The following CRADD variants were observed in gnomAD, a reference collection of about 807,000 sequenced individuals.
CRADD encodes the protein death domain-containing protein CRADD.
CRADD carries 9 observed loss-of-function variants against 15.5 expected under a neutral mutation model. That is an observed-to-expected ratio of 0.58 (90% CI 0.35 to 1.01). The LOEUF (loss-of-function observed/expected upper bound fraction) is 1.01. Among genes scored for constraint, CRADD ranks in the 50% least tolerant of loss-of-function variants. CRADD has a pLI of 0.02. For missense variants in CRADD, 227 were observed against 250.3 expected, an observed-to-expected ratio of 0.91 and a Z score of 0.63; for synonymous variants, 118 against 107.6, an observed-to-expected ratio of 1.10 and a Z score of -0.60.
chr12:93,890,277 A>G (rs1958567268), intron 2 of CRADD, among the ~76,000 whole-genome samples: 1 of 152,238 alleles, frequency 6.6e-6, no homozygotes. Context: ...AGAAAAAATA[A>G]CTAAAATATT....
At chr12:93,697,549 G>T (rs927493329) in intron 2 of CRADD, among the ~76,000 whole-genome samples, 3 of 152,110 alleles carry the variant, frequency 2.0e-5, no homozygotes, top group African/African-American at 7.2e-5. Context: ...AAAACATCAT[G>T]TTATACACGA....
intron 2 of CRADD, among the ~76,000 whole-genome samples, chr12:93,805,053 T>A (rs1272436979): frequency 6.6e-6 from 1 of 152,138 alleles, no homozygotes; most frequent in African/African-American, 2.4e-5. Context: ...TTTTAATGAC[T>A]GTGATGAGTT....
chr12:93,734,837 C>T (rs1956535790), intron 2 of CRADD, among the ~76,000 whole-genome samples: 1 of 152,142 alleles, frequency 6.6e-6, no homozygotes, highest in Admixed American at 6.6e-5. Flanking sequence ...CCGTCTTCCC[C>T]CTATCTTCAC....
intron 2 of CRADD, among the ~76,000 whole-genome samples, chr12:93,836,694 AAGTG>A (rs1347868799): frequency 6.6e-6 from 1 of 152,264 alleles, no homozygotes; most frequent in Non-Finnish European, 1.5e-5. Context: ...GAATAAAGCT[AAGTG>A]AGTATGTTAT....
intron 2 of CRADD, among the ~76,000 whole-genome samples, chr12:93,779,612 CAG>C (rs1179361979): frequency 7.6e-6 from 1 of 131,104 alleles, no homozygotes; most frequent in Admixed American, 8.1e-5. Context: ...TTTTTTGAGA[CAG>C]AGTCTCACTC....
At chr12:93,690,201 A>G (rs551286312) in intron 2 of CRADD, among the ~76,000 whole-genome samples, 1 of 152,320 alleles carries the variant, frequency 6.6e-6, no homozygotes, top group South Asian at 2.1e-4. Flanking sequence ...TTGGGTCCTG[A>G]GCCCTTCCTC....
At chr12:93,857,564 T>C (rs1048614053) in intron 2 of CRADD, among the ~76,000 whole-genome samples, 22 of 152,214 alleles carry the variant, frequency 1.4e-4, no homozygotes, top group Non-Finnish European at 2.6e-4. Flanking sequence ...TAGTGGTTTA[T>C]CTTTGTCCAT....
At chr12:93,807,777 A>T (rs1957556508) in intron 2 of CRADD, among the ~76,000 whole-genome samples, 1 of 151,982 alleles carries the variant, frequency 6.6e-6, no homozygotes. Flanking sequence ...AAGCCATCCA[A>T]ATAAAAACCA....
At position 93,850,174 on chromosome 12, in the gene CRADD, G is replaced by T. The variant is rs563879626; in HGVS notation, c.503G>T (p.Arg168Leu). The change falls in exon 3 of 3, where the codon CGG becomes CTG. Residue 168 changes from arginine (R) to leucine (L), a missense_variant. Arg to Leu is a moderately radical substitution (Grantham distance 102). Coordinates refer to ENST00000332896, the MANE Select transcript of CRADD (RefSeq NM_003805.5). The surrounding 1 kb of genome is among the most constrained non-coding windows in gnomAD (Gnocchi z 4.0). ...GTGGTGGAGGCCTTCATCCGTTGGC[G>T]GCAGCGCTTCGGGAAGCAGGCCACC... ...SQVVEAFIRW[R>L]QRFGKQATFQ... The T allele has an allele frequency of 6.2e-7, 1 of 1,613,802 alleles. No individual in the cohort carries two copies. The highest frequency in any genetic ancestry group is 2.2e-5 in the East Asian group (1 of 44,866).
chr12:93,762,385 C>A lies in CRADD; in HGVS notation c.298+83313C>A, dbSNP rs141343647. On this transcript the variant is annotated intron_variant, in intron 2 of 2. Coordinates refer to ENST00000332896, the MANE Select transcript of CRADD (RefSeq NM_003805.5). ...AGAGATATGTCTGGCTTTCTTGAAC[C>A]AGTTAACAAACAGTTACATTAGATG... 2.7e-3 allele frequency among the ~76,000 whole-genome samples: 407 copies of A among 152,234 alleles called. 2 individuals are homozygous for A. Among genetic ancestry groups the A allele is most frequent in the African/African-American group, 8.7e-3 (363 of 41,534 alleles).
intron 2 of CRADD, among the ~76,000 whole-genome samples, chr12:93,890,130 A>G (rs1243614532): frequency 2.6e-5 from 4 of 152,192 alleles, no homozygotes; most frequent in African/African-American, 4.8e-5. Context: ...ATTATAGTCA[A>G]ATTCCCCTGG....
intron 2 of CRADD, among the ~76,000 whole-genome samples, chr12:93,728,642 C>CA (rs1296560696): frequency 6.6e-6 from 1 of 151,942 alleles, no homozygotes; most frequent in Non-Finnish European, 1.5e-5. Context: ...TAAATATAAA[C>CA]AAAATGGTAG....
intron 2 of CRADD, among the ~76,000 whole-genome samples, chr12:93,783,044 T>C (rs1592986403): frequency 1.3e-5 from 2 of 152,148 alleles, no homozygotes; most frequent in East Asian, 3.9e-4. Flanking sequence ...GGCAGAATTT[T>C]GGCAGAAGGC....
chr12:93,749,035 C>A (rs541367728), intron 2 of CRADD, among the ~76,000 whole-genome samples: 261 of 152,260 alleles, frequency 1.7e-3, no homozygotes, highest in African/African-American at 6.0e-3. Flanking sequence ...ATATTAAGTG[C>A]GTAACATCTG....
chr12:93,763,247 T>C (rs1391512088), intron 2 of CRADD, among the ~76,000 whole-genome samples: 14 of 152,220 alleles, frequency 9.2e-5, no homozygotes, highest in African/African-American at 3.4e-4. Flanking sequence ...GATCTAAAGC[T>C]CTTGGTTCTG....
chr12:93,752,586 C>T (rs1049044411), intron 2 of CRADD, among the ~76,000 whole-genome samples: 2 of 151,990 alleles, frequency 1.3e-5, no homozygotes, highest in African/African-American at 2.4e-5. Flanking sequence ...AGAAATACTC[C>T]AAACAGTTAG....
chr12:93,878,682 TC>T (rs1565946858), intron 2 of CRADD, among the ~76,000 whole-genome samples: 1 of 152,198 alleles, frequency 6.6e-6, no homozygotes, highest in East Asian at 1.9e-4. Context: ...GATTGGCGAT[TC>T]CCTCTGGCTA....
chr12:93,867,598 C>G (rs1271010461), intron 2 of CRADD, among the ~76,000 whole-genome samples: 1 of 151,750 alleles, frequency 6.6e-6, no homozygotes, highest in East Asian at 1.9e-4. Flanking sequence ...GGATATGGTT[C>G]AACTGAAATT....
intron 2 of CRADD, among the ~76,000 whole-genome samples, chr12:93,775,240 G>T (rs1425886983): frequency 6.6e-6 from 1 of 152,170 alleles, no homozygotes; most frequent in Non-Finnish European, 1.5e-5. Flanking sequence ...TTTATCACAT[G>T]CCAGCAAGTT....
Sources: allele counts gnomAD v4.1 joint callset (sites outside exome capture counted in the v4.1 genomes callset), GRCh38; gene constraint gnomAD v4.1.1; non-coding constraint Gnocchi (gnomAD v3.1); transcripts MANE v1.5; gene names NCBI Gene and HGNC (gene_info 2026-07-23, HGNC 2026-07-21).